CNTLN: variants seen among roughly 807,000 people sequenced by gnomAD.
CNTLN encodes the protein centlein.
CNTLN carries 212 observed loss-of-function variants against 180.0 expected under a neutral mutation model. The observed-to-expected ratio is 1.18, with a 90% CI of 1.05 to 1.32. The LOEUF is 1.32. CNTLN is among the 40% of genes most tolerant of loss of function. CNTLN has a pLI of 0.00. For missense variants in CNTLN, 2,095 were observed against 1,610.9 expected, an observed-to-expected ratio of 1.30 and a Z score of -5.14; for synonymous variants, 722 against 563.1, an observed-to-expected ratio of 1.28 and a Z score of -3.99.
intron 18 of CNTLN, among the ~76,000 whole-genome samples, chr9:17,431,380 C>T (rs111472501): frequency 0.019 from 2,937 of 151,902 alleles, 90 homozygotes; most frequent in African/African-American, 0.067. Flanking sequence ...AAATCTTTTG[C>T]CCATTTTTAA....
At chr9:17,373,733 A>G (rs1824521184) in intron 13 of CNTLN, among the ~76,000 whole-genome samples, 1 of 152,204 alleles carries the variant, frequency 6.6e-6, no homozygotes, top group African/African-American at 2.4e-5. Flanking sequence ...AAATTGTACT[A>G]TAAAGCTACA....
rs189967935 is a variant in CNTLN at position 17,139,436 on chromosome 9, G to A, written c.361-3852G>A. ...AGTAGTTTGGGAGGCTGAGATGGGC[G>A]GATCACTTGAGGTTGGGAGTTTGAG... On this transcript the variant is annotated intron_variant, in intron 1 of 25. Coordinates refer to ENST00000380647, the MANE Select transcript of CNTLN (RefSeq NM_017738.4). 5.5e-3 allele frequency among the ~76,000 whole-genome samples: 837 copies of A among 151,922 alleles called. 6 individuals carry two copies. Among genetic ancestry groups the A allele is most frequent in the Admixed American group, 8.1e-3 (124 of 15,268 alleles).
intron 23 of CNTLN, among the ~76,000 whole-genome samples, chr9:17,470,201 G>C (rs1382379372): frequency 6.6e-6 from 1 of 151,842 alleles, no homozygotes; most frequent in Non-Finnish European, 1.5e-5. Flanking sequence ...AAATTCTTGA[G>C]GAATTGATTT....
intron 18 of CNTLN, among the ~76,000 whole-genome samples, chr9:17,432,056 A>G (rs749609097): frequency 1.5e-4 from 23 of 152,170 alleles, no homozygotes; most frequent in Non-Finnish European, 2.9e-4. Flanking sequence ...AGTTATTTTC[A>G]TCCTTATGGT....
At chr9:17,423,421 T>C (rs1828866151) in intron 18 of CNTLN, among the ~76,000 whole-genome samples, 1 of 152,048 alleles carries the variant, frequency 6.6e-6, no homozygotes, top group East Asian at 1.9e-4. Context: ...TGGCAGAGCT[T>C]TTACCCAAGT....
At chr9:17,312,363 ATTATAT>A (rs1338538308) in intron 8 of CNTLN, among the ~76,000 whole-genome samples, 1,595 of 15,134 alleles carry the variant, frequency 0.11, 92 homozygotes, top group Non-Finnish European at 0.27. Context: ...ATATATATAT[ATTATAT>A]ATATATATAT....
chr9:17,249,672 T>A (rs1826024353), intron 5 of CNTLN, among the ~76,000 whole-genome samples: 1 of 151,994 alleles, frequency 6.6e-6, no homozygotes, highest in Non-Finnish European at 1.5e-5. Flanking sequence ...AATTTCCACA[T>A]ACTTGTGTAT....
chr9:17,461,660 C>T (rs923100394), intron 19 of CNTLN, among the ~76,000 whole-genome samples: 4 of 151,532 alleles, frequency 2.6e-5, no homozygotes, highest in African/African-American at 9.7e-5. Context: ...ACATCCAAAC[C>T]TAGGAATAGT....
chr9:17,520,226 C>G, the CNTLN span, among the ~76,000 whole-genome samples: 1 of 152,168 alleles, frequency 6.6e-6, no homozygotes, highest in Non-Finnish European at 1.5e-5. Context: ...TCTGTAATAG[C>G]CACCTATAGT....
intron 5 of CNTLN, among the ~76,000 whole-genome samples, chr9:17,244,475 T>G (rs968911816): frequency 1.3e-5 from 2 of 152,106 alleles, no homozygotes; most frequent in East Asian, 1.9e-4. Context: ...GCCTCTGCCT[T>G]CCAAAGTGCT....
At chr9:17,264,142 G>C (rs1257250440) in intron 5 of CNTLN, among the ~76,000 whole-genome samples, 3 of 143,480 alleles carry the variant, frequency 2.1e-5, no homozygotes, top group Admixed American at 2.1e-4. Context: ...GAATGGTATT[G>C]CCTAGGTTTT....
rs1299005111 is a variant in CNTLN, at chr9:17,137,164, C to G, written c.360+1739C>G. The stretch of plus-strand genomic sequence containing the variant: ...ATATATAGACTAGGAAAATGATTGA[C>G]ATACTCTTGGCAAATGTAAGAATAC... On this transcript the variant is annotated intron_variant, in intron 1 of 25. Transcript: ENST00000380647. 2.0e-5 allele frequency among the ~76,000 whole-genome samples: 3 copies of G among 152,298 alleles called. No homozygotes were observed. The East Asian group carries it at 5.8e-4, about 29-fold the overall frequency.
intron 13 of CNTLN, among the ~76,000 whole-genome samples, chr9:17,371,682 C>T (rs2133490352): frequency 6.6e-6 from 1 of 152,156 alleles, no homozygotes; most frequent in Middle Eastern, 3.4e-3. Context: ...CCCAGCACAT[C>T]GATCATTCTC....
chr9:17,518,139 C>T, the CNTLN span, among the ~76,000 whole-genome samples: 1 of 149,866 alleles, frequency 6.7e-6, no homozygotes, highest in South Asian at 2.1e-4. Flanking sequence ...CCTCTGCCTC[C>T]TGGGTTCAAG....
intron 6 of CNTLN, among the ~76,000 whole-genome samples, chr9:17,297,171 C>T (rs899985757): frequency 2.0e-5 from 3 of 152,056 alleles, no homozygotes; most frequent in Non-Finnish European, 2.9e-5. Flanking sequence ...TCATTATTCC[C>T]TAAACAATAC....
intron 6 of CNTLN, among the ~76,000 whole-genome samples, chr9:17,291,729 A>G (rs887306620): frequency 2.0e-5 from 3 of 152,190 alleles, no homozygotes; most frequent in African/African-American, 7.2e-5. Flanking sequence ...TCTTAAATCC[A>G]GCACGTTGAT....
intron 13 of CNTLN, among the ~76,000 whole-genome samples, chr9:17,374,379 A>G (rs538422408): frequency 6.6e-6 from 1 of 152,218 alleles, no homozygotes; most frequent in Non-Finnish European, 1.5e-5. Context: ...AACATTATTG[A>G]TCATCAGAGA....
the CNTLN span, among the ~76,000 whole-genome samples, chr9:17,511,708 G>C: frequency 5.3e-5 from 8 of 151,656 alleles, no homozygotes; most frequent in African/African-American, 1.9e-4. Context: ...ACCAGGAGGG[G>C]ATTAGACAAG....
At chr9:17,257,711 AT>A (rs1278914664) in intron 5 of CNTLN, among the ~76,000 whole-genome samples, 1 of 151,122 alleles carries the variant, frequency 6.6e-6, no homozygotes. Flanking sequence ...TTTGATTTGC[AT>A]TTCTCTGATG....
Sources: allele counts gnomAD v4.1 joint callset (sites outside exome capture counted in the v4.1 genomes callset), GRCh38; gene constraint gnomAD v4.1.1; transcripts MANE v1.5; gene names NCBI Gene and HGNC (gene_info 2026-07-23, HGNC 2026-07-21).